Variants in PEAK1 observed in about 807,000 individuals in gnomAD.
PEAK1 encodes the protein pseudopodium enriched atypical kinase 1, also known as inactive tyrosine-protein kinase PEAK1.
In PEAK1, 54 loss-of-function variants were observed where a neutral mutation model predicts 124.7. The observed-to-expected ratio is 0.43, with a 90% CI of 0.35 to 0.54. The LOEUF (loss-of-function observed/expected upper bound fraction) is 0.54. Among genes scored for constraint, PEAK1 ranks in the 20% least tolerant of loss-of-function variants. The pLI is 0.01. For missense variants in PEAK1, 2,046 were observed against 2,134.5 expected (o/e 0.96, Z 0.82); for synonymous variants, 719 against 760.0 (o/e 0.95, Z 0.89).
At chr15:77,287,306 A>G (rs994091233) in intron 2 of PEAK1, among the ~76,000 whole-genome samples, 3 of 152,280 alleles carry the variant, frequency 2.0e-5, no homozygotes, top group African/African-American at 7.2e-5. Context: ...AGCTCATGAA[A>G]TGATACGAAT....
chr15:77,107,138 CCTA>C (rs1178189492), downstream of PEAK1: 1 of 152,406 alleles, frequency 6.6e-6, no homozygotes. Context: ...ACCCCAACTG[CCTA>C]CTTTTTTCTT....
At chr15:77,370,019 G>C (rs896847350) in intron 1 of PEAK1, among the ~76,000 whole-genome samples, 3 of 152,000 alleles carry the variant, frequency 2.0e-5, no homozygotes, top group African/African-American at 7.2e-5. Flanking sequence ...AAAGTGAAGT[G>C]CTGATGACCT....
chr15:77,159,826 C>T (rs2055474243), intron 7 of PEAK1, among the ~76,000 whole-genome samples: 1 of 152,124 alleles, frequency 6.6e-6, no homozygotes, highest in African/African-American at 2.4e-5. Context: ...GGAGTACCCT[C>T]TTATCAATTT....
intron 2 of PEAK1, among the ~76,000 whole-genome samples, chr15:77,293,808 T>G (rs935416644): frequency 3.9e-5 from 6 of 152,126 alleles, no homozygotes; most frequent in African/African-American, 9.7e-5. Flanking sequence ...ACAGAAAATA[T>G]TTGTCTACAA....
chr15:77,255,412 G>C (rs2061080369), intron 5 of PEAK1: 1 of 976,854 alleles, frequency 1.0e-6, no homozygotes, highest in African/African-American at 1.8e-5. Context: ...GAAAACAAAA[G>C]TTCTTCTCTC....
intron 1 of PEAK1, among the ~76,000 whole-genome samples, chr15:77,375,712 T>C (rs995129065): frequency 4.6e-5 from 7 of 152,094 alleles, no homozygotes; most frequent in Non-Finnish European, 7.4e-5. Flanking sequence ...AATGTAATAA[T>C]AGGCCAGGCG....
chr15:77,246,417 A>C (rs1162760855), intron 6 of PEAK1, among the ~76,000 whole-genome samples: 1 of 151,652 alleles, frequency 6.6e-6, no homozygotes, highest in Non-Finnish European at 1.5e-5. Flanking sequence ...CCAGCTACTC[A>C]GGACGCTGAG....
intron 2 of PEAK1, chr15:77,337,534 A>C: frequency 1.0e-6 from 1 of 985,144 alleles, no homozygotes; most frequent in East Asian, 1.1e-4. Context: ...ACCAAACAGA[A>C]GATAAGATGT....
chr15:77,212,065 CTA>C (rs1410978839), intron 6 of PEAK1, among the ~76,000 whole-genome samples: 1 of 151,908 alleles, frequency 6.6e-6, no homozygotes, highest in African/African-American at 2.4e-5. Flanking sequence ...GAACTAATAA[CTA>C]TTGGATATGA....
At position 77,410,075 on chromosome 15, in the gene PEAK1, G is replaced by GTT. The variant is rs71145825; in HGVS notation, c.-666+9929_-666+9930dup. Among the ~76,000 whole-genome samples, 916 of 141,256 alleles carry GTT rather than the reference G, an allele frequency of 6.5e-3. 9 individuals carry two copies. Among genetic ancestry groups the GTT allele is most frequent in the African/African-American group, 0.019 (719 of 37,854 alleles). 92.7% of individuals were successfully genotyped at this position (141,256 alleles called of 152,430 possible). The stretch of plus-strand genomic sequence containing the variant: ...GTTTTGTTTTTTGGTGTGTGTGTGT[G>GTT]TTTTTTTTTTTTTTAGACAGAGTTT... On this transcript the variant is annotated intron_variant, in intron 1 of 9. Coordinates refer to ENST00000682557, the MANE Select transcript of PEAK1 (RefSeq NM_001385026.1).
rs2066946210 is a variant in PEAK1 at position 77,347,633 on chromosome 15, T to G, written c.-603+17530A>C. On this transcript the variant is annotated intron_variant, in intron 2 of 9. Coordinates refer to ENST00000682557, the MANE Select transcript of PEAK1 (RefSeq NM_001385026.1). ...GATAGCCCAGAGACTTTAAAAAAAT[T>G]TTAATGTAAATAACAAATATAACAA... 4 of 983,292 alleles carry G rather than the reference T, an allele frequency of 4.1e-6. No individual in the cohort carries two copies. In the South Asian group the frequency reaches 1.9e-4, roughly 46 times the overall value. 60.9% of individuals were successfully genotyped at this position (983,292 alleles called of 1,614,324 possible).
intron 2 of PEAK1, among the ~76,000 whole-genome samples, chr15:77,299,018 A>C (rs2063654308): frequency 6.6e-6 from 1 of 152,160 alleles, no homozygotes; most frequent in African/African-American, 2.4e-5. Context: ...CTGGATGCTA[A>C]ACTTTCACTC....
At chr15:77,314,334 G>C (rs773845591) in intron 2 of PEAK1, among the ~76,000 whole-genome samples, 2 of 151,662 alleles carry the variant, frequency 1.3e-5, no homozygotes, top group Non-Finnish European at 2.9e-5. Context: ...TGGGTCTGTA[G>C]GCTGACCTCA....
rs79977106 is a variant in PEAK1, at chr15:77,193,195, A to C, written c.-114-11155T>G. Among the ~76,000 whole-genome samples the C allele has an allele frequency of 1.4e-4, 21 of 152,344 alleles. No homozygotes were observed. The East Asian group carries it at 3.9e-3, about 28-fold the overall frequency. Reference sequence around the variant, plus strand: ...ACAAAAATAATTCTCACATATAAGAAACACCTCTTCTCTATGGATATAGTT... The same window carrying C: ...ACAAAAATAATTCTCACATATAAGACACACCTCTTCTCTATGGATATAGTT... On this transcript the variant is annotated intron_variant, in intron 6 of 9. Transcript: ENST00000682557.
intron 1 of PEAK1, chr15:77,402,018 G>C: frequency 5.3e-6 from 4 of 759,520 alleles, no homozygotes; most frequent in Non-Finnish European, 6.4e-6. Flanking sequence ...GGCCAACATG[G>C]TGAAACCCCA....
chr15:77,340,715 T>C (rs888529148), intron 2 of PEAK1, among the ~76,000 whole-genome samples: 1 of 152,186 alleles, frequency 6.6e-6, no homozygotes, highest in Non-Finnish European at 1.5e-5. Flanking sequence ...ACAGTGTATA[T>C]TGTAATTCAA....
intron 2 of PEAK1, among the ~76,000 whole-genome samples, chr15:77,318,315 G>A (rs2064998826): frequency 6.6e-6 from 1 of 152,172 alleles, no homozygotes; most frequent in Admixed American, 6.5e-5. Context: ...ACAGTAGACA[G>A]GAGATCTCTG....
rs2152818161 is a variant in PEAK1 at position 77,179,788 on chromosome 15, G to A, written c.2139C>T (p.Leu713=). 1 of 1,614,098 alleles carries A rather than the reference G, an allele frequency of 6.2e-7. No homozygotes were observed. Among genetic ancestry groups the A allele is most frequent in the Middle Eastern group, 1.6e-4 (1 of 6,062 alleles). The change falls in exon 7 of 10, where the codon CTC becomes CTT. Residue 713 remains leucine (L), a synonymous_variant. Coordinates refer to ENST00000682557, the MANE Select transcript of PEAK1 (RefSeq NM_001385026.1). The stretch of plus-strand genomic sequence containing the variant: ...TCTGTGGTGAAGACTGACCTCTGTT[G>A]AGACAGTTGTTAAACTCTTGAACCT... ...AQKVQEFNNC[L]NRGQSSPQRS...
At chr15:77,409,218 G>T (rs920846119) in intron 1 of PEAK1, among the ~76,000 whole-genome samples, 8 of 324 alleles carry the variant, frequency 0.025, no homozygotes, top group Middle Eastern at 0.5. Flanking sequence ...AAGTATAAAT[G>T]TACTGGGAAA....
Sources: allele counts gnomAD v4.1 joint callset (sites outside exome capture counted in the v4.1 genomes callset), GRCh38; gene constraint gnomAD v4.1.1; transcripts MANE v1.5; gene names NCBI Gene and HGNC (gene_info 2026-07-23, HGNC 2026-07-21).